Variants in CDH18 observed in about 807,000 individuals in gnomAD.
The protein encoded by CDH18 is cadherin 18, also known as cadherin-18.
A neutral mutation model predicts 67.9 loss-of-function variants in CDH18; 31 were observed. That is an observed-to-expected ratio of 0.46 (90% CI 0.34 to 0.62). CDH18 has a LOEUF of 0.62. Ranked by LOEUF, CDH18 falls within the 20% of genes least tolerant of loss-of-function variation. The pLI is 0.01. For synonymous variants in CDH18, 362 were observed against 347.2 expected (o/e 1.04, Z -0.48); for missense variants, 890 against 975.5 (o/e 0.91, Z 1.17).
At chr5:20,207,749 C>A (rs904745213) in intron 2 of CDH18, among the ~76,000 whole-genome samples, 1 of 152,024 alleles carries the variant, frequency 6.6e-6, no homozygotes, top group African/African-American at 2.4e-5. Context: ...CAGAGCCAAA[C>A]CATATCAATA....
intron 8 of CDH18, among the ~76,000 whole-genome samples, chr5:19,561,710 T>C (rs1739482407): frequency 6.6e-6 from 1 of 152,130 alleles, no homozygotes; most frequent in African/African-American, 2.4e-5. Flanking sequence ...AAATGTGTTA[T>C]AATTATGTTT....
At chr5:20,217,511 T>C (rs1248737583) in intron 2 of CDH18, among the ~76,000 whole-genome samples, 2 of 151,648 alleles carry the variant, frequency 1.3e-5, no homozygotes, top group East Asian at 3.9e-4. Flanking sequence ...TAGAAATATA[T>C]ACAATAGATA....
At chr5:20,325,802 C>A (rs991423747) in intron 1 of CDH18, among the ~76,000 whole-genome samples, 1 of 152,174 alleles carries the variant, frequency 6.6e-6, no homozygotes, top group African/African-American at 2.4e-5. Flanking sequence ...TATTCTCTGA[C>A]ATCTGGTTTC....
At chr5:19,869,663 A>AT (rs1479288257) in intron 2 of CDH18, among the ~76,000 whole-genome samples, 1 of 152,080 alleles carries the variant, frequency 6.6e-6, no homozygotes, top group African/African-American at 2.4e-5. Context: ...GAGATCATCC[A>AT]TTTTTTCAAC....
In CDH18 at chr5:19,747,327, G is replaced by T. The variant is rs151188742; in HGVS notation, c.229-91C>A. On this transcript the variant is annotated intron_variant, in intron 3 of 12. Transcript: ENST00000382275. ...AAACTCCCTATCTATAATTACTTTG[G>T]CTATGACTTTTCTTCCCTTTACAGT... 2.8e-4 allele frequency: 301 copies of T among 1,090,898 alleles called. 4 individuals carry two copies. In the East Asian group the frequency reaches 6.5e-3, roughly 23 times the overall value. 67.6% of individuals were successfully genotyped at this position (1,090,898 alleles called of 1,614,324 possible). A position where few individuals can be genotyped will look rare whatever the true frequency, so the allele number is the denominator to read the frequency against.
intron 2 of CDH18, among the ~76,000 whole-genome samples, chr5:20,171,827 T>C (rs1276204965): frequency 6.6e-6 from 1 of 151,950 alleles, no homozygotes; most frequent in African/African-American, 2.4e-5. Context: ...TCAGGTTGTC[T>C]TCCAGGGTTT....
At chr5:19,795,037 C>G (rs990277130) in intron 3 of CDH18, among the ~76,000 whole-genome samples, 1 of 152,150 alleles carries the variant, frequency 6.6e-6, no homozygotes, top group African/African-American at 2.4e-5. Flanking sequence ...GTCCCACAAC[C>G]TGACAGCAAA....
At chr5:20,422,877 G>A (rs1198738448) in intron 1 of CDH18, among the ~76,000 whole-genome samples, 1 of 151,122 alleles carries the variant, frequency 6.6e-6, no homozygotes, top group Non-Finnish European at 1.5e-5. Flanking sequence ...GCAGAAGTCA[G>A]AAGGTTGGTT....
At chr5:20,411,429 A>C (rs1746764283) in intron 1 of CDH18, among the ~76,000 whole-genome samples, 1 of 152,096 alleles carries the variant, frequency 6.6e-6, no homozygotes. Context: ...ACTGTAGTAC[A>C]CACAAAAATC....
chr5:19,868,204 G>A (rs182661778), intron 2 of CDH18, among the ~76,000 whole-genome samples: 96 of 152,208 alleles, frequency 6.3e-4, no homozygotes, highest in Non-Finnish European at 1.2e-3. Context: ...GTATGTGTTA[G>A]AGGAATAAAT....
intron 3 of CDH18, among the ~76,000 whole-genome samples, chr5:19,768,402 G>C (rs1234457816): frequency 6.6e-6 from 1 of 152,144 alleles, no homozygotes; most frequent in East Asian, 1.9e-4. Flanking sequence ...TGCATTTGTA[G>C]ATTTTGCAAA....
chr5:20,337,339 C>T (rs1739869730), intron 1 of CDH18, among the ~76,000 whole-genome samples: 2 of 152,198 alleles, frequency 1.3e-5, no homozygotes, highest in Non-Finnish European at 1.5e-5. Flanking sequence ...AACTTTTATG[C>T]TCTGCTTTCA....
intron 2 of CDH18, among the ~76,000 whole-genome samples, chr5:20,234,627 A>G (rs68027713): frequency 0.15 from 22,533 of 152,088 alleles, 2,537 homozygotes; most frequent in African/African-American, 0.32. Context: ...TGTGAAAAAC[A>G]AATGTTTATT....
intron 5 of CDH18, among the ~76,000 whole-genome samples, chr5:19,713,611 G>A (rs552519558): frequency 5.3e-5 from 8 of 152,168 alleles, no homozygotes; most frequent in Middle Eastern, 6.8e-3. Flanking sequence ...ATCTTGCCAC[G>A]GAGTAGGAGA....
chr5:20,123,399 G>A (rs1748536738), intron 2 of CDH18, among the ~76,000 whole-genome samples: 1 of 152,144 alleles, frequency 6.6e-6, no homozygotes, highest in East Asian at 1.9e-4. Context: ...GTACGTGAGG[G>A]ACAATTTGGC....
At chr5:20,394,839 A>G (rs1745155591) in intron 1 of CDH18, among the ~76,000 whole-genome samples, 1 of 152,136 alleles carries the variant, frequency 6.6e-6, no homozygotes, top group South Asian at 2.1e-4. Context: ...AAAATGCTCA[A>G]CATTACTAAT....
chr5:19,803,290 T>C (rs1029715360), intron 3 of CDH18, among the ~76,000 whole-genome samples: 1 of 152,264 alleles, frequency 6.6e-6, no homozygotes, highest in Non-Finnish European at 1.5e-5. Flanking sequence ...TATGAGTTTA[T>C]GTGACCTTTA....
At chr5:19,621,871 C>T (rs145035795) in intron 5 of CDH18, among the ~76,000 whole-genome samples, 179 of 152,260 alleles carry the variant, frequency 1.2e-3, no homozygotes, top group African/African-American at 4.2e-3. Flanking sequence ...GTAAATAATG[C>T]AGCCAGTAAC....
intron 2 of CDH18, among the ~76,000 whole-genome samples, chr5:20,229,384 C>A (rs1272961017): frequency 2.6e-5 from 4 of 151,930 alleles, no homozygotes; most frequent in African/African-American, 9.7e-5. Context: ...AAACAAAGCC[C>A]CACAACTTTA....
Sources: gnomAD v4.1 joint callset for allele counts (sites outside exome capture counted in the v4.1 genomes callset) on GRCh38, gnomAD v4.1.1 for gene constraint, MANE v1.5 for transcripts, NCBI Gene and HGNC (gene_info 2026-07-23, HGNC 2026-07-21) for gene names.